The following TNFRSF13B variants were observed in gnomAD, a reference collection of about 807,000 sequenced individuals.
TNFRSF13B encodes the protein tumor necrosis factor receptor superfamily member 13B.
A neutral mutation model predicts 24.0 loss-of-function variants in TNFRSF13B; 34 were observed. The ratio of observed to expected loss-of-function variants is 1.41; its 90% confidence interval spans 1.08 to 1.88. TNFRSF13B has a LOEUF of 1.88. Ranked by LOEUF, TNFRSF13B falls within the 40% of genes most tolerant of loss-of-function variation. The probability of loss-of-function intolerance (pLI) is 0.00; values close to 1 mark genes in which losing one functional copy is unlikely to be tolerated. For synonymous variants in TNFRSF13B, 173 were observed against 150.3 expected, an observed-to-expected ratio of 1.15 and a Z score of -1.10; for missense variants, 415 against 380.8, an observed-to-expected ratio of 1.09 and a Z score of -0.75.
chr17:16,969,411 C>T (rs1444630229), intron 1 of TNFRSF13B, among the ~76,000 whole-genome samples: 3 of 152,190 alleles, frequency 2.0e-5, no homozygotes, highest in Non-Finnish European at 4.4e-5. Context: ...ACAACATGGA[C>T]GGCCCTTGAA....
At chr17:16,947,673 G>A (rs935280748) in intron 3 of TNFRSF13B, among the ~76,000 whole-genome samples, 1 of 152,152 alleles carries the variant, frequency 6.6e-6, no homozygotes, top group Non-Finnish European at 1.5e-5. Context: ...AGTAAGAATG[G>A]CTATTGTTAG....
At chr17:16,952,348 C>G in intron 2 of TNFRSF13B, 98 bp downstream of exon 2, 1 of 1,575,082 alleles carries the variant, frequency 6.3e-7, no homozygotes, top group East Asian at 2.3e-5. Flanking sequence ...CTCCTGCCAC[C>G]CTTTCCTCAG....
intron 1 of TNFRSF13B, among the ~76,000 whole-genome samples, 167 bp downstream of exon 1, chr17:16,971,848 G>A (rs560711674): frequency 6.6e-6 from 1 of 152,282 alleles, no homozygotes; most frequent in East Asian, 1.9e-4. Context: ...GAGGCATCCA[G>A]ACTCGGGGCT....
At chr17:16,952,129 G>T (rs1159234548) in intron 2 of TNFRSF13B, among the ~76,000 whole-genome samples, 1 of 152,200 alleles carries the variant, frequency 6.6e-6, no homozygotes, top group Non-Finnish European at 1.5e-5. Flanking sequence ...GGTGGTCAGA[G>T]GAGACCCCTG....
Position 16,948,959 on chromosome 17 carries a change from T to C in TNFRSF13B, c.224A>G (p.Gln75Arg). 1 of 1,614,160 alleles carries C rather than the reference T, an allele frequency of 6.2e-7. No homozygotes were observed. The highest frequency in any genetic ancestry group is 8.5e-7 in the Non-Finnish European group (1 of 1,180,020). The stretch of plus-strand genomic sequence containing the variant: ...CAGGAGATGGTCATAGAACTTGCCT[T>C]GCTCCTTGCGGCAGCTGAGTGACCC... ...FCRSLSCRKE[Q>R]GKFYDHLLRD... The change falls in exon 3 of 5, where the codon CAA (glutamine) becomes CGA (arginine). Residue 75 changes from glutamine to arginine, a missense_variant. Gln to Arg is a conservative substitution (Grantham distance 43, BLOSUM62 1). Coordinates refer to ENST00000261652, the MANE Select transcript of TNFRSF13B (RefSeq NM_012452.3).
intron 1 of TNFRSF13B, 110 bp downstream of exon 1, chr17:16,971,905 G>T: frequency 9.2e-7 from 1 of 1,087,176 alleles, no homozygotes; most frequent in Non-Finnish European, 1.4e-6. Flanking sequence ...CCAGTGTGTG[G>T]ATCTGCTGTG....
At chr17:16,959,213 G>A (rs117453073) in intron 1 of TNFRSF13B, among the ~76,000 whole-genome samples, 1,817 of 151,982 alleles carry the variant, frequency 0.012, 22 homozygotes, top group Non-Finnish European at 0.018. Context: ...TAAACAACAC[G>A]CTCTTCAACA....
intron 4 of TNFRSF13B, 106 bp downstream of exon 4, chr17:16,940,220 T>G: frequency 6.2e-7 from 1 of 1,608,540 alleles, no homozygotes; most frequent in Non-Finnish European, 8.5e-7. Flanking sequence ...GGATGAGCCC[T>G]GGGCCTCTCC....
rs367967699 is a variant in TNFRSF13B at position 16,952,598 on chromosome 17, G to C, written c.62-15C>G. 13 of 1,614,056 alleles carry C rather than the reference G, an allele frequency of 8.1e-6. No homozygotes were observed. In the African/African-American group the frequency reaches 1.7e-4, roughly 22 times the overall value. ...GCCCTGTGGAACTGAGAGACCAGGA[G>C]AGTGAGGGCAGCTGGCAGGCGGCCA... On this transcript the variant is annotated splice_polypyrimidine_tract_variant and intron_variant, in intron 1 of 4. Coordinates refer to ENST00000261652, the MANE Select transcript of TNFRSF13B (RefSeq NM_012452.3).
intron 3 of TNFRSF13B, among the ~76,000 whole-genome samples, chr17:16,944,108 G>C (rs1178926793): frequency 6.6e-6 from 1 of 152,206 alleles, no homozygotes; most frequent in African/African-American, 2.4e-5. Flanking sequence ...CTTCAAAGCA[G>C]ATCTGGGGTG....
rs1034343032 is a variant in TNFRSF13B, at chr17:16,939,204, C to A, written c.*343G>T. ...TAGGTGATGACGACCTACAGCTGCA[C>A]TGGGAACTGGGACTCAGAGTGCCCC... On this transcript the variant is annotated 3_prime_UTR_variant, in exon 5 of 5. Transcript: ENST00000261652. 2.4e-5 allele frequency: 6 copies of A among 248,450 alleles called. No homozygotes were observed. Among genetic ancestry groups the A allele is most frequent in the Non-Finnish European group, 4.7e-5 (6 of 128,964 alleles). The allele number at this position is 248,450 out of a possible 1,614,324, so 15.4% of individuals were successfully genotyped here.
chr17:16,954,414 C>T (rs550249989), intron 1 of TNFRSF13B, among the ~76,000 whole-genome samples: 3 of 152,232 alleles, frequency 2.0e-5, no homozygotes, highest in South Asian at 2.1e-4. Flanking sequence ...GACCAGGGGC[C>T]TCTCATTTAA....
intron 1 of TNFRSF13B, among the ~76,000 whole-genome samples, chr17:16,958,630 T>C (rs2087640883): frequency 6.6e-6 from 1 of 152,060 alleles, no homozygotes; most frequent in African/African-American, 2.4e-5. Context: ...AAAGGTATTT[T>C]ATGCAAATAG....
At chr17:16,962,649 G>A (rs1273172123) in intron 1 of TNFRSF13B, among the ~76,000 whole-genome samples, 4 of 152,174 alleles carry the variant, frequency 2.6e-5, no homozygotes, top group African/African-American at 9.7e-5. Flanking sequence ...GTGGAGATGT[G>A]GAATTATTCC....
At chr17:16,947,157 CA>C (rs920321581) in intron 3 of TNFRSF13B, among the ~76,000 whole-genome samples, 10 of 151,394 alleles carry the variant, frequency 6.6e-5, no homozygotes, top group Non-Finnish European at 1.3e-4. Context: ...GACACAACAA[CA>C]AAAAAAAGAA....
At chr17:16,940,147 C>A in intron 4 of TNFRSF13B, 179 bp downstream of exon 4, 1 of 1,462,106 alleles carries the variant, frequency 6.8e-7, no homozygotes, top group Admixed American at 2.3e-5. Context: ...GGGTGCCACT[C>A]TCCCAGTTAT....
intron 3 of TNFRSF13B, 125 bp from the exon 4 acceptor site, chr17:16,940,636 C>T (rs2087503715): frequency 6.6e-7 from 1 of 1,519,640 alleles, no homozygotes. Flanking sequence ...GGCTGGGCTC[C>T]TTTTCTGACC....
chr17:16,958,585 A>G (rs984242190), intron 1 of TNFRSF13B, among the ~76,000 whole-genome samples: 1 of 152,078 alleles, frequency 6.6e-6, no homozygotes, highest in Non-Finnish European at 1.5e-5. Context: ...TGAGTAAAAT[A>G]GTGGTAAAAT....
At chr17:16,948,286 A>G (rs1777650849) in intron 3 of TNFRSF13B, among the ~76,000 whole-genome samples, 1 of 152,212 alleles carries the variant, frequency 6.6e-6, no homozygotes, top group South Asian at 2.1e-4. Flanking sequence ...AAACCTTAGC[A>G]TCAAGCAACA....
Sources: gnomAD v4.1 joint callset for allele counts (sites outside exome capture counted in the v4.1 genomes callset) on GRCh38, gnomAD v4.1.1 for gene constraint, MANE v1.5 for transcripts, NCBI Gene and HGNC (gene_info 2026-07-23, HGNC 2026-07-21) for gene names.